The following PARD3B variants were observed in gnomAD, a reference collection of about 807,000 sequenced individuals.
The protein encoded by PARD3B is par-3 family cell polarity regulator beta, also known as partitioning defective 3 homolog B.
Under a neutral mutation model 130.2 loss-of-function variants are expected in PARD3B, and 103 were observed. The ratio of observed to expected loss-of-function variants is 0.79; its 90% CI spans 0.67 to 0.93. The LOEUF is 0.93. PARD3B is among the 40% of genes least tolerant of loss of function. The probability of loss-of-function intolerance (pLI) is 0.00; values close to 1 mark genes in which losing one functional copy is unlikely to be tolerated. For missense variants in PARD3B, 1,609 were observed against 1,499.2 expected, an observed-to-expected ratio of 1.07 and a Z score of -1.21; for synonymous variants, 583 against 553.2, an observed-to-expected ratio of 1.05 and a Z score of -0.76.
At chr2:205,536,689 T>G (rs1474712290) in intron 21 of PARD3B, among the ~76,000 whole-genome samples, 2 of 152,188 alleles carry the variant, frequency 1.3e-5, no homozygotes, top group South Asian at 2.1e-4. Context: ...AATTCAGGAA[T>G]GTAACTCTCT....
chr2:204,918,662 T>TA (rs2047546404), intron 2 of PARD3B, among the ~76,000 whole-genome samples: 1 of 152,112 alleles, frequency 6.6e-6, no homozygotes, highest in African/African-American at 2.4e-5. Flanking sequence ...ATGCTTTTTT[T>TA]ACTTGCTTTT....
chr2:204,996,806 T>G (rs1437450970), intron 3 of PARD3B, among the ~76,000 whole-genome samples: 1 of 147,920 alleles, frequency 6.8e-6, no homozygotes, highest in Non-Finnish European at 1.5e-5. Flanking sequence ...TAAGCCGGTC[T>G]GAAAAGCGCA....
rs556763585 is a variant in PARD3B, at chr2:205,511,676, A to T, written c.3180+11645A>T. 2.1e-4 allele frequency among the ~76,000 whole-genome samples: 32 copies of T among 152,352 alleles called. No individual in the cohort carries two copies. In the South Asian group the frequency reaches 6.4e-3, roughly 31 times the overall value. ...TACATTTTATTTTAGCAGTGCTTAAATGTTCTAAAATAAACTTTGGGTACT... is the reference window on the plus strand; with the variant it reads ...TACATTTTATTTTAGCAGTGCTTAATTGTTCTAAAATAAACTTTGGGTACT... On this transcript the variant is annotated intron_variant, in intron 21 of 22. Transcript: ENST00000406610.
rs1689112777 is a variant in PARD3B at position 204,943,976 on chromosome 2, A to G, written c.223-21176A>G. 6.6e-6 allele frequency among the ~76,000 whole-genome samples: 1 copy of G among 152,202 alleles called. No homozygotes were observed. Among genetic ancestry groups the G allele is most frequent in the African/African-American group, 2.4e-5 (1 of 41,468 alleles). On this transcript the variant is annotated intron_variant, in intron 2 of 22. Transcript: ENST00000406610. This position sits in a 1 kb window ranked among gnomAD's most constrained non-coding sequence, Gnocchi z 4.2. ...GGGACTAAACATTCAAAATTACATC[A>G]CCTCAGGGAAACTAAGTTAAGAACA...
rs2052143876 is a variant in PARD3B, at chr2:205,541,631, AG to A, written c.3181-11692del. ...CCAAAGTGCTGGGATTACAGGCGTG[AG>A]CCACCGTGCCCGGCCTATTTTTTTT... On this transcript the variant is annotated intron_variant, in intron 21 of 22. Coordinates refer to ENST00000406610, the MANE Select transcript of PARD3B (RefSeq NM_001302769.2). Among the ~76,000 whole-genome samples the A allele has an allele frequency of 2.0e-5, 3 of 149,148 alleles. No individual in the cohort carries two copies. In the South Asian group the frequency reaches 7.0e-4, roughly 35 times the overall value.
At chr2:204,832,085 G>T (rs1394537674) in intron 2 of PARD3B, among the ~76,000 whole-genome samples, 1 of 152,098 alleles carries the variant, frequency 6.6e-6, no homozygotes, top group Non-Finnish European at 1.5e-5. Context: ...AATTAGTCAG[G>T]CATGGTGGTG....
In PARD3B at chr2:205,125,678, G is replaced by C. The variant is rs1409318285; in HGVS notation, c.1375G>C (p.Gly459Arg). The change falls in exon 10 of 23, where the codon GGG (glycine) becomes CGG (arginine). Residue 459 changes from glycine (G) to arginine (R), a missense_variant. Coordinates refer to ENST00000406610, the MANE Select transcript of PARD3B (RefSeq NM_001302769.2). The surrounding 1 kb of genome is among the most constrained non-coding windows in gnomAD (Gnocchi z 4.0). ...LVAMLRSTKQGETASLVIARQ... is the reference protein window; with the variant it reads ...LVAMLRSTKQRETASLVIARQ... ...GGCCATGCTCAGGAGCACCAAGCAG[G>C]GGGAGACAGCATCGCTGGTCATTGC... 1.2e-6 allele frequency: 2 copies of C among 1,614,104 alleles called. No homozygotes were observed. Among genetic ancestry groups the C allele is most frequent in the Admixed American group, 1.7e-5 (1 of 60,022 alleles).
At chr2:205,256,530 G>A (rs1350146920) in intron 16 of PARD3B, among the ~76,000 whole-genome samples, 1 of 152,116 alleles carries the variant, frequency 6.6e-6, no homozygotes, top group Non-Finnish European at 1.5e-5. Flanking sequence ...TTATTGAAGA[G>A]GAAGATTATG....
At chr2:205,179,367 A>G (rs928307660) in intron 13 of PARD3B, among the ~76,000 whole-genome samples, 1 of 148,588 alleles carries the variant, frequency 6.7e-6, no homozygotes, top group African/African-American at 2.5e-5. Flanking sequence ...AGTAGTGTAC[A>G]GTAGTGTTTT....
rs2050094183 is a variant in PARD3B, at chr2:205,499,898, GCCGT to G, written c.3050_3053del (p.Arg1017LeufsTer77). 1 of 1,613,316 alleles carries G rather than the reference GCCGT, an allele frequency of 6.2e-7. No homozygotes were observed. The highest frequency in any genetic ancestry group is 1.7e-5 in the Admixed American group (1 of 59,974). ...GATTATTTGTCTATATCCTGTAGTG[GCCGT>G]CCTACGGGTGGAAGCACTGACCGTA... On this transcript the variant is annotated frameshift_variant, in exon 21 of 23. Coordinates refer to ENST00000406610, the MANE Select transcript of PARD3B (RefSeq NM_001302769.2). LOFTEE classifies it high-confidence loss of function.
At chr2:204,816,362 T>A (rs1438021306) in intron 2 of PARD3B, among the ~76,000 whole-genome samples, 2 of 151,824 alleles carry the variant, frequency 1.3e-5, no homozygotes, top group African/African-American at 4.8e-5. Context: ...TTTGTGTAGA[T>A]ACGTTTTTCT....
At chr2:205,064,198 TA>T (rs1336683746) in intron 4 of PARD3B, among the ~76,000 whole-genome samples, 3 of 152,208 alleles carry the variant, frequency 2.0e-5, no homozygotes, top group Non-Finnish European at 2.9e-5. Flanking sequence ...GGGACTTTTT[TA>T]TTTTTTTATT....
rs1225934612 is a variant in PARD3B, at chr2:205,458,394, CTG to C, written c.3044+17724_3044+17725del. Among the ~76,000 whole-genome samples the C allele has an allele frequency of 7.2e-5, 11 of 152,050 alleles. No individual in the cohort carries two copies. Among genetic ancestry groups the C allele is most frequent in the Non-Finnish European group, 1.5e-4 (10 of 68,008 alleles). ...CCTTTCTGTACATGCGTCTTGCTCT[CTG>C]TTCGTTTCTGGTTTTCTCTCTGTGA... is the stretch of plus-strand genomic sequence containing the variant. On this transcript the variant is annotated intron_variant, in intron 20 of 22. Coordinates refer to ENST00000406610, the MANE Select transcript of PARD3B (RefSeq NM_001302769.2). This position sits in a 1 kb window ranked among gnomAD's most constrained non-coding sequence, Gnocchi z 4.8.
intron 3 of PARD3B, among the ~76,000 whole-genome samples, chr2:204,999,206 A>G (rs1336852772): frequency 6.6e-6 from 1 of 152,028 alleles, no homozygotes; most frequent in Non-Finnish European, 1.5e-5. Flanking sequence ...TTTCAACCCT[A>G]AAATCCAATG....
intron 18 of PARD3B, among the ~76,000 whole-genome samples, chr2:205,305,789 A>G (rs1448225172): frequency 6.6e-6 from 1 of 152,176 alleles, no homozygotes; most frequent in Non-Finnish European, 1.5e-5. Context: ...TATGAGAATC[A>G]TATTTTATTA....
chr2:204,561,822 C>A (rs548142774), intron 1 of PARD3B, among the ~76,000 whole-genome samples: 1 of 152,142 alleles, frequency 6.6e-6, no homozygotes, highest in Non-Finnish European at 1.5e-5. Context: ...GTCTTGAACT[C>A]CTGACCTCAG....
At chr2:205,514,231 C>A (rs1376017395) in intron 21 of PARD3B, among the ~76,000 whole-genome samples, 1 of 152,046 alleles carries the variant, frequency 6.6e-6, no homozygotes, top group Admixed American at 6.6e-5. Context: ...CTTATCATTT[C>A]TAAATGATTT....
At chr2:205,381,506 G>A (rs991076091) in intron 18 of PARD3B, among the ~76,000 whole-genome samples, 1 of 151,678 alleles carries the variant, frequency 6.6e-6, no homozygotes, top group African/African-American at 2.4e-5. Flanking sequence ...TTTATGGTTT[G>A]CATATCTACT....
At chr2:204,614,663 G>A (rs1328291500) in intron 1 of PARD3B, among the ~76,000 whole-genome samples, 1 of 152,090 alleles carries the variant, frequency 6.6e-6, no homozygotes, top group Non-Finnish European at 1.5e-5. Context: ...TTTAAATCAT[G>A]GGGGCAGTTT....
Sources: allele counts gnomAD v4.1 joint callset (sites outside exome capture counted in the v4.1 genomes callset), GRCh38; gene constraint gnomAD v4.1.1; non-coding constraint Gnocchi (gnomAD v3.1); transcripts MANE v1.5; gene names NCBI Gene and HGNC (gene_info 2026-07-23, HGNC 2026-07-21).